Variants in COPB2 observed in about 807,000 individuals in gnomAD.
COPB2 encodes the protein coat protein complex I subunit beta 2.
Under a neutral mutation model 120.8 loss-of-function variants are expected in COPB2, and 16 were observed. The ratio of observed to expected loss-of-function variants is 0.13; its 90% CI spans 0.09 to 0.20. The LOEUF (loss-of-function observed/expected upper bound fraction) is 0.20. Ranked by LOEUF, COPB2 falls within the 10% of genes least tolerant of loss-of-function variation. The pLI, the probability that COPB2 is intolerant of heterozygous loss-of-function variation, is 1.00. For synonymous variants in COPB2, 332 were observed against 366.3 expected (o/e 0.91, Z 1.07); for missense variants, 794 against 1,076.5 (o/e 0.74, Z 3.67).
intron 17 of COPB2, 49 bp downstream of exon 17, chr3:139,361,032 A>G: frequency 6.3e-7 from 1 of 1,596,082 alleles, no homozygotes; most frequent in African/African-American, 1.3e-5. Flanking sequence ...TCCCTCTCCA[A>G]AAACCATCCT....
At chr3:139,384,378 A>G (rs1941873903) in intron 1 of COPB2, among the ~76,000 whole-genome samples, 1 of 152,220 alleles carries the variant, frequency 6.6e-6, no homozygotes, top group Non-Finnish European at 1.5e-5. Context: ...ATAAGCCTTT[A>G]AGCATTGGAA....
chr3:139,358,185 T>C lies in COPB2; in HGVS notation c.2625+15A>G, dbSNP rs1941328823. 6.2e-7 allele frequency: 1 copy of C among 1,611,464 alleles called. No homozygotes were observed. Among genetic ancestry groups the C allele is most frequent in the African/African-American group, 1.3e-5 (1 of 74,860 alleles). Reference sequence around the variant, plus strand: ...GATGGGGTAGAGGGAGGTTTGAGTATGATGTCTGACCTACCTTTTCTTCTT... The same window carrying C: ...GATGGGGTAGAGGGAGGTTTGAGTACGATGTCTGACCTACCTTTTCTTCTT... On this transcript the variant is annotated intron_variant, in intron 21 of 21. Coordinates refer to ENST00000333188, the MANE Select transcript of COPB2 (RefSeq NM_004766.3).
chr3:139,383,514 A>C, intron 1 of COPB2, 79 bp from the exon 2 acceptor site: 1 of 1,296,644 alleles, frequency 7.7e-7, no homozygotes, highest in East Asian at 2.6e-5. Context: ...AAGTGCATGA[A>C]TAGGCCTACA....
chr3:139,388,854 C>G (rs183919180), intron 1 of COPB2, among the ~76,000 whole-genome samples: 3 of 148,338 alleles, frequency 2.0e-5, no homozygotes, highest in African/African-American at 7.5e-5. Flanking sequence ...CTATCGTTTT[C>G]TTTCCTTATT....
At position 139,379,460 on chromosome 3, in the gene COPB2, C is replaced by A; in HGVS notation, c.148G>T (p.Val50Leu). Residue 50 changes from valine to leucine, a missense_variant, in exon 3 of 22, where the codon GTG becomes TTG. This residue lies in a region of COPB2 where 610 missense variants were observed against 866.7 expected (regional missense o/e 0.70). Transcript: ENST00000333188. ...CVWNHETQTLVKTFEVCDLPV... is the reference protein window; with the variant it reads ...CVWNHETQTLLKTFEVCDLPV... ...AGATCACATACTTCAAATGTCTTCACCAGTGTCTTTAAAATGTAACAAGAA... is the reference window on the plus strand; with the variant it reads ...AGATCACATACTTCAAATGTCTTCAACAGTGTCTTTAAAATGTAACAAGAA... 1 of 1,613,362 alleles carries A rather than the reference C, an allele frequency of 6.2e-7. No individual in the cohort carries two copies. The highest frequency in any genetic ancestry group is 8.5e-7 in the Non-Finnish European group (1 of 1,179,628).
chr3:139,379,605 C>CA (rs1941771875), intron 2 of COPB2, 139 bp from the exon 3 acceptor site: 4 of 651,590 alleles, frequency 6.1e-6, no homozygotes, highest in Non-Finnish European at 1.0e-5. Context: ...AAAAGCTCAA[C>CA]ATTCAAATTT....
chr3:139,365,125 T>C (rs767779335), intron 15 of COPB2, among the ~76,000 whole-genome samples: 7 of 152,098 alleles, frequency 4.6e-5, no homozygotes, highest in Non-Finnish European at 1.0e-4. Flanking sequence ...GAACGATTCA[T>C]GAAAATCCTT....
In COPB2 at chr3:139,357,854, G is replaced by A. The variant is rs1941320278; in HGVS notation, c.*9C>T. 2 of 1,466,646 alleles carry A rather than the reference G, an allele frequency of 1.4e-6. No individual in the cohort carries two copies. The highest frequency in any genetic ancestry group is 1.9e-6 in the Non-Finnish European group (2 of 1,054,652). The allele number at this position is 1,466,646 out of a possible 1,614,324, so 90.9% of individuals were successfully genotyped here. A position where few individuals can be genotyped will look rare whatever the true frequency, so the allele number is the denominator to read the frequency against. ...ATCTGTTTAGTCAGGTAAATGGAAA[G>A]CATTACAGTCAATCATCCAAAATAT... is the stretch of plus-strand genomic sequence containing the variant. On this transcript the variant is annotated 3_prime_UTR_variant, in exon 22 of 22. Coordinates refer to ENST00000333188, the MANE Select transcript of COPB2 (RefSeq NM_004766.3).
In COPB2 at chr3:139,379,066, A is replaced by G; in HGVS notation, c.336T>C (p.Pro112=). 2 of 1,604,806 alleles carry G rather than the reference A, an allele frequency of 1.2e-6. No individual in the cohort carries two copies. Among genetic ancestry groups the G allele is most frequent in the Non-Finnish European group, 1.7e-6 (2 of 1,177,520 alleles). ...TCTTACCACTGCTAGTTAGAATGAA[A>G]GGCTGGGTTGGATGAACAGCAATAC... is the stretch of plus-strand genomic sequence containing the variant. ...IRCIAVHPTQ[P]FILTSSDDML... Residue 112 remains proline (P), a synonymous_variant, in exon 4 of 22, where the codon CCT becomes CCC. Transcript: ENST00000333188.
chr3:139,378,935 C>A (rs1941761655), intron 4 of COPB2, 112 bp downstream of exon 4: 5 of 1,174,918 alleles, frequency 4.3e-6, no homozygotes, highest in East Asian at 2.6e-5. Flanking sequence ...AGTTTAAAGG[C>A]CGCTTGGAAT....
chr3:139,379,243 G>T (rs980618971), intron 3 of COPB2, 70 bp from the exon 4 acceptor site: 4 of 1,549,384 alleles, frequency 2.6e-6, no homozygotes, highest in South Asian at 1.2e-5. Context: ...TATATCACAG[G>T]CTCAAGGAAT....
chr3:139,376,811 G>A (rs1419255465), intron 5 of COPB2, among the ~76,000 whole-genome samples: 25 of 152,300 alleles, frequency 1.6e-4, no homozygotes, highest in African/African-American at 4.6e-4. Flanking sequence ...GCGCAGTGGC[G>A]CAATCTCGGC....
At chr3:139,383,126 CA>C in intron 2 of COPB2, 171 bp downstream of exon 2, 1 of 735,262 alleles carries the variant, frequency 1.4e-6, no homozygotes, top group Non-Finnish European at 2.3e-6. Context: ...GTTTCTCCTA[CA>C]AACTATCCCC....
chr3:139,359,011 T>C lies in COPB2; in HGVS notation c.2471A>G (p.Tyr824Cys). The C allele has an allele frequency of 6.2e-7, 1 of 1,612,664 alleles. No individual in the cohort carries two copies. Among genetic ancestry groups the C allele is most frequent in the Admixed American group, 1.7e-5 (1 of 59,744 alleles). The part of the protein sequence containing the change: ...THADLWPAKQ[Y>C]PLVTPNEERN... ...CTGGCCACTCACCGTGACAAGTGGG[T>C]ATTGTTTGGCTGGCCACAGATCAGC... Residue 824 changes from tyrosine to cysteine, a missense_variant, in exon 19 of 22, where the codon TAC becomes TGC. By Grantham distance (194) the Tyr-to-Cys change is radical. Around this residue, in one of 3 missense-constraint regions of COPB2, gnomAD observed 178 missense variants for 183.2 expected, o/e 0.97. Transcript: ENST00000333188.
chr3:139,358,914 A>C (rs1039220109), intron 19 of COPB2, 84 bp downstream of exon 19: 1 of 1,568,758 alleles, frequency 6.4e-7, no homozygotes, highest in East Asian at 2.2e-5. Flanking sequence ...TTTTAAAAGA[A>C]GACAGCAGTT....
Position 139,373,431 on chromosome 3 carries a change from G to C in COPB2, c.895-19C>G, listed in dbSNP as rs768393838. 6.2e-7 allele frequency: 1 copy of C among 1,612,664 alleles called. No homozygotes were observed. The highest frequency in any genetic ancestry group is 8.5e-7 in the Non-Finnish European group (1 of 1,179,064). On this transcript the variant is annotated intron_variant, in intron 8 of 21. Coordinates refer to ENST00000333188, the MANE Select transcript of COPB2 (RefSeq NM_004766.3). ...GACCAAGCTGAAAGAAAGAAAAATA[G>C]CTCTCAGCAATGAAAAGGAAAATGA...
chr3:139,368,354 AC>A, intron 12 of COPB2, 66 bp from the exon 13 acceptor site: 1 of 1,482,912 alleles, frequency 6.7e-7, no homozygotes, highest in South Asian at 1.3e-5. Flanking sequence ...AACTGCACAT[AC>A]TTGGTTTCTT....
intron 14 of COPB2, 110 bp downstream of exon 14, chr3:139,366,905 T>C: frequency 6.8e-7 from 1 of 1,478,280 alleles, no homozygotes; most frequent in East Asian, 2.3e-5. Context: ...ATAGGCAACC[T>C]ACTAAAACTA....
At chr3:139,373,890 T>G in intron 7 of COPB2, 82 bp from the exon 8 acceptor site, 5 of 1,519,144 alleles carry the variant, frequency 3.3e-6, no homozygotes, top group Non-Finnish European at 4.5e-6. Flanking sequence ...CCCATAGAAG[T>G]CTTTCTATTC....
Sources: allele counts gnomAD v4.1 joint callset (sites outside exome capture counted in the v4.1 genomes callset), GRCh38; gene constraint gnomAD v4.1.1; regional missense constraint gnomAD v4.1.1; transcripts MANE v1.5; gene names NCBI Gene and HGNC (gene_info 2026-07-23, HGNC 2026-07-21).